Variants in CD47 observed in about 807,000 individuals in gnomAD.
The protein encoded by CD47 is leukocyte surface antigen CD47.
Under a neutral mutation model 44.6 loss-of-function variants are expected in CD47, and 11 were observed. That is an observed-to-expected ratio of 0.25 (90% confidence interval 0.16 to 0.41). The LOEUF is 0.41. Among genes scored for constraint, CD47 ranks in the 10% least tolerant of loss-of-function variants. CD47 has a pLI of 1.00. For missense variants in CD47, 306 were observed against 386.7 expected, an observed-to-expected ratio of 0.79 and a Z score of 1.75; for synonymous variants, 140 against 136.3, an observed-to-expected ratio of 1.03 and a Z score of -0.19.
rs2078731796 is a variant in CD47 at position 108,047,046 on chromosome 3, A to G, written c.*242T>C. On this transcript the variant is annotated 3_prime_UTR_variant, in exon 11 of 11. Coordinates refer to ENST00000361309, the MANE Select transcript of CD47 (RefSeq NM_001777.4). ...TGCCCCTAATTGATTAAAAATAACA[A>G]CAAAAAACTGGATCTCAATTGGGCA... 2 of 426,800 alleles carry G rather than the reference A, an allele frequency of 4.7e-6. No individual in the cohort carries two copies. Among genetic ancestry groups the G allele is most frequent in the South Asian group, 1.3e-4 (2 of 15,368 alleles). The allele number at this position is 426,800 out of a possible 1,614,324, so 26.4% of individuals were successfully genotyped here. A position where few individuals can be genotyped will look rare whatever the true frequency, so the allele number is the denominator to read the frequency against.
At chr3:108,070,081 C>T (rs541931773) in intron 3 of CD47, among the ~76,000 whole-genome samples, 19 of 152,200 alleles carry the variant, frequency 1.2e-4, no homozygotes, top group South Asian at 1.2e-3. Flanking sequence ...CTGAGAAAAG[C>T]GCTTAAAACA....
In CD47 at chr3:108,080,089, T is replaced by A. The variant is rs548694951; in HGVS notation, c.302A>T (p.Asp101Val). ...LLKGDASLKM[D>V]KSDAVSHTGN... ...TGTGTGTGAGACAGCATCACTCTTA[T>A]CCATCTTCAAAGAGGCATCTCCTTT... The change falls in exon 2 of 11, where the codon GAT becomes GTT. Residue 101 changes from aspartate to valine, a missense_variant. By Grantham distance (152) the Asp-to-Val change is radical. This residue lies in a region of CD47 where 47 missense variants were observed against 36.2 expected (regional missense o/e 1.30). Coordinates refer to ENST00000361309, the MANE Select transcript of CD47 (RefSeq NM_001777.4). 1.2e-6 allele frequency: 2 copies of A among 1,613,026 alleles called. No individual in the cohort carries two copies. The highest frequency in any genetic ancestry group is 1.7e-6 in the Non-Finnish European group (2 of 1,179,214).
intron 8 of CD47, 116 bp from the exon 9 acceptor site, chr3:108,050,718 C>CAA: frequency 7.1e-6 from 3 of 424,958 alleles, no homozygotes; most frequent in South Asian, 3.5e-5. Context: ...ATCCTACAGT[C>CAA]AAAAAAAAAA....
chr3:108,090,554 T>C (rs2079611685), intron 1 of CD47, among the ~76,000 whole-genome samples: 1 of 152,204 alleles, frequency 6.6e-6, no homozygotes, highest in Admixed American at 6.5e-5. Flanking sequence ...TAGTTAATTT[T>C]TGCGCGAGGT....
chr3:108,052,059 A>C (rs1281684497), intron 7 of CD47, 89 bp from the exon 8 acceptor site: 1 of 666,970 alleles, frequency 1.5e-6, no homozygotes, highest in South Asian at 1.8e-5. Context: ...TAAAATGTTC[A>C]GGGCTAAAAC....
chr3:108,085,553 T>C (rs1204334193), intron 1 of CD47, among the ~76,000 whole-genome samples: 2 of 152,178 alleles, frequency 1.3e-5, no homozygotes, highest in Admixed American at 1.3e-4. Context: ...TGTTCAATCT[T>C]GTTCCCCTTC....
chr3:108,060,224 G>A (rs2078986066), intron 4 of CD47, among the ~76,000 whole-genome samples: 1 of 152,186 alleles, frequency 6.6e-6, no homozygotes, highest in African/African-American at 2.4e-5. Flanking sequence ...CCTAAAACCT[G>A]TGAATATTAC....
At chr3:108,069,392 AT>A (rs1382013931) in intron 3 of CD47, among the ~76,000 whole-genome samples, 1 of 152,088 alleles carries the variant, frequency 6.6e-6, no homozygotes, top group African/African-American at 2.4e-5. Flanking sequence ...GAGTCCATTT[AT>A]GGTTACCTTT....
rs1002496859 is a variant in CD47, at chr3:108,043,359, T to A, written c.*3929A>T. The A allele has an allele frequency of 1.4e-5, 2 of 147,976 alleles. No individual in the cohort carries two copies. Among genetic ancestry groups the A allele is most frequent in the East Asian group, 3.9e-4 (2 of 5,186 alleles). The allele number at this position is 147,976 out of a possible 1,614,324, so 9.2% of individuals were successfully genotyped here. On this transcript the variant is annotated 3_prime_UTR_variant, in exon 11 of 11. Coordinates refer to ENST00000361309, the MANE Select transcript of CD47 (RefSeq NM_001777.4). The stretch of plus-strand genomic sequence containing the variant: ...ACAGGGTAATATTTACAAAGTTATG[T>A]TTTTTTTTAAATAAAAAAGTACCTT...
chr3:108,067,628 G>T (rs2079127453), intron 3 of CD47, among the ~76,000 whole-genome samples: 1 of 152,222 alleles, frequency 6.6e-6, no homozygotes, highest in African/African-American at 2.4e-5. Flanking sequence ...AATACTATCA[G>T]TTAAGCCTTG....
chr3:108,072,650 TATAACTGA>T (rs1194230359), intron 2 of CD47, among the ~76,000 whole-genome samples: 7 of 152,206 alleles, frequency 4.6e-5, no homozygotes, highest in Non-Finnish European at 1.0e-4. Context: ...TTTCCAACTG[TATAACTGA>T]ATATCTTCTT....
At chr3:108,049,919 T>C (rs2078796093) in intron 9 of CD47, among the ~76,000 whole-genome samples, 1 of 152,178 alleles carries the variant, frequency 6.6e-6, no homozygotes, top group Non-Finnish European at 1.5e-5. Context: ...ATAGCCTGTA[T>C]CTTTCTAAAA....
intron 8 of CD47, 144 bp downstream of exon 8, chr3:108,051,795 T>G (rs765421902): frequency 5.5e-6 from 4 of 722,002 alleles, no homozygotes; most frequent in Non-Finnish European, 1.0e-5. Context: ...ACTGGACCCA[T>G]TCATGCAAAG....
chr3:108,087,451 A>T (rs1177831431), intron 1 of CD47, among the ~76,000 whole-genome samples: 7 of 152,202 alleles, frequency 4.6e-5, no homozygotes, highest in Non-Finnish European at 1.0e-4. Context: ...GGCCTTAACA[A>T]GCACCTAAGT....
intron 2 of CD47, among the ~76,000 whole-genome samples, chr3:108,074,357 A>G (rs2079265467): frequency 1.3e-5 from 2 of 151,898 alleles, no homozygotes; most frequent in Admixed American, 1.3e-4. Context: ...TCTGTTGCCC[A>G]GGCTGGAGTG....
intron 3 of CD47, among the ~76,000 whole-genome samples, chr3:108,069,518 T>G (rs182577373): frequency 3.8e-4 from 57 of 151,908 alleles, no homozygotes; most frequent in African/African-American, 1.2e-3. Flanking sequence ...TGAGTTTTTT[T>G]TTTTTTTTTT....
intron 2 of CD47, among the ~76,000 whole-genome samples, chr3:108,075,968 T>C (rs1366625633): frequency 6.6e-6 from 1 of 152,216 alleles, no homozygotes; most frequent in Non-Finnish European, 1.5e-5. Flanking sequence ...TACAATTCCT[T>C]GGCAGATACT....
At chr3:108,056,473 T>C (rs1276174443) in intron 7 of CD47, among the ~76,000 whole-genome samples, 1 of 152,200 alleles carries the variant, frequency 6.6e-6, no homozygotes, top group Non-Finnish European at 1.5e-5. Context: ...ATGTGAGTCA[T>C]ATGAGAAATT....
At chr3:108,051,044 C>G (rs2108221412) in intron 8 of CD47, among the ~76,000 whole-genome samples, 1 of 152,352 alleles carries the variant, frequency 6.6e-6, no homozygotes, top group Admixed American at 6.5e-5. Context: ...TTGCTGGCCT[C>G]TTGTGACCAA....
Sources: gnomAD v4.1 joint callset for allele counts (sites outside exome capture counted in the v4.1 genomes callset) on GRCh38, gnomAD v4.1.1 for gene constraint, gnomAD v4.1.1 regional missense constraint, MANE v1.5 for transcripts, NCBI Gene and HGNC (gene_info 2026-07-23, HGNC 2026-07-21) for gene names.